Variants in RGS6 observed in about 807,000 individuals in gnomAD.
The protein encoded by RGS6 is regulator of G protein signaling 6, also known as regulator of G-protein signaling 6.
In RGS6, 30 loss-of-function variants were observed where a neutral mutation model predicts 78.5. The ratio of observed to expected loss-of-function variants is 0.38; its 90% CI spans 0.29 to 0.52. RGS6 has a LOEUF of 0.52. Among genes scored for constraint, RGS6 ranks in the 20% least tolerant of loss-of-function variants. The pLI, the probability that RGS6 is intolerant of heterozygous loss-of-function variation, is 0.85. For synonymous variants in RGS6, 206 were observed against 206.0 expected (o/e 1.00, Z 0.00); for missense variants, 495 against 609.7 (o/e 0.81, Z 1.98).
chr14:72,397,324 G>A (rs1484288597), intron 3 of RGS6, among the ~76,000 whole-genome samples: 2 of 152,090 alleles, frequency 1.3e-5, no homozygotes, highest in Non-Finnish European at 2.9e-5. Flanking sequence ...GTGAATGGGA[G>A]TTCACTCATG....
chr14:72,017,000 A>G (rs914902278), intron 2 of RGS6, among the ~76,000 whole-genome samples: 5 of 152,122 alleles, frequency 3.3e-5, no homozygotes, highest in African/African-American at 2.4e-5. Context: ...CTTTTCTTAC[A>G]TATCTTTGTT....
At chr14:72,247,372 T>C (rs1316334861) in intron 2 of RGS6, among the ~76,000 whole-genome samples, 3 of 152,212 alleles carry the variant, frequency 2.0e-5, no homozygotes, top group African/African-American at 7.2e-5. Flanking sequence ...CAAAAACAGC[T>C]CTTCTACTCC....
chr14:72,234,012 G>A lies in RGS6; in HGVS notation c.85-118083G>A, dbSNP rs140266038. 7.1e-4 allele frequency among the ~76,000 whole-genome samples: 108 copies of A among 152,196 alleles called. 1 individual carries two copies. The highest frequency in any genetic ancestry group is 2.4e-3 in the African/African-American group (100 of 41,530). On this transcript the variant is annotated intron_variant, in intron 2 of 17. Transcript: ENST00000553525. ...CTTAGCACTGGTTAAGGGAACGAAC[G>A]GGCATAGTTGTGCTATGCTTGTGAG...
chr14:72,393,535 G>A (rs1174849094), intron 3 of RGS6, among the ~76,000 whole-genome samples: 1 of 152,162 alleles, frequency 6.6e-6, no homozygotes, highest in Non-Finnish European at 1.5e-5. Flanking sequence ...GTGTTGGCCA[G>A]TAGTAAATAC....
At chr14:72,530,992 T>A (rs2097175694) in intron 15 of RGS6, among the ~76,000 whole-genome samples, 1 of 150,234 alleles carries the variant, frequency 6.7e-6, no homozygotes, top group South Asian at 2.1e-4. Flanking sequence ...TCTGTAAAAA[T>A]AAACACATAC....
chr14:72,109,573 A>G (rs1055094229), intron 2 of RGS6, among the ~76,000 whole-genome samples: 7 of 152,252 alleles, frequency 4.6e-5, no homozygotes, highest in Admixed American at 3.9e-4. Context: ...GCAGAGATGC[A>G]TAAATGTATT....
At chr14:72,022,915 T>C (rs2089013111) in intron 2 of RGS6, among the ~76,000 whole-genome samples, 1 of 152,234 alleles carries the variant, frequency 6.6e-6, no homozygotes, top group Non-Finnish European at 1.5e-5. Flanking sequence ...CCTACGTTTA[T>C]ACAGTGAGTG....
intron 2 of RGS6, among the ~76,000 whole-genome samples, chr14:72,211,332 T>C (rs115558958): frequency 0.011 from 1,683 of 152,276 alleles, 26 homozygotes; most frequent in African/African-American, 0.038. Flanking sequence ...GTCTTGAATT[T>C]AGAGACTTGA....
intron 3 of RGS6, among the ~76,000 whole-genome samples, chr14:72,452,224 TTC>T (rs56308165): frequency 0.2 from 29,908 of 147,706 alleles, 3,542 homozygotes; most frequent in East Asian, 0.46. Flanking sequence ...CACATATTCA[TTC>T]TCTCTCTCTC....
chr14:72,437,986 A>G (rs2095016548), intron 3 of RGS6, among the ~76,000 whole-genome samples: 1 of 152,264 alleles, frequency 6.6e-6, no homozygotes, highest in Non-Finnish European at 1.5e-5. Flanking sequence ...ACTTGGTCAT[A>G]GGGCAGAGCC....
intron 2 of RGS6, among the ~76,000 whole-genome samples, chr14:72,077,888 G>A (rs1282953646): frequency 1.3e-5 from 2 of 152,152 alleles, no homozygotes; most frequent in Non-Finnish European, 2.9e-5. Context: ...TTAAGTTAGA[G>A]TACAGGAATT....
intron 2 of RGS6, among the ~76,000 whole-genome samples, chr14:71,976,101 T>C (rs1013054786): frequency 9.9e-5 from 15 of 151,992 alleles, no homozygotes; most frequent in Non-Finnish European, 2.1e-4. Flanking sequence ...GCTAAACTTC[T>C]CTATTTTGTC....
chr14:71,983,884 G>T (rs1256911829), intron 2 of RGS6, among the ~76,000 whole-genome samples: 1 of 152,168 alleles, frequency 6.6e-6, no homozygotes, highest in East Asian at 1.9e-4. Context: ...TTATCACCGC[G>T]TGAAGCTTAG....
rs138335230 is a variant in RGS6 at position 71,996,711 on chromosome 14, G to A, written c.84+31836G>A. On this transcript the variant is annotated intron_variant, in intron 2 of 17. Transcript: ENST00000553525. The stretch of plus-strand genomic sequence containing the variant: ...GTCAATAAACATTTGATGAGTAAGG[G>A]AATTAAGTGACATCTAAGCTGAGAA... Among the ~76,000 whole-genome samples the A allele has an allele frequency of 7.0e-3, 1,061 of 151,024 alleles. 13 individuals carry two copies. The highest frequency in any genetic ancestry group is 0.024 in the African/African-American group (1,001 of 41,268).
Position 72,352,098 on chromosome 14 carries a change from G to C in RGS6, c.88G>C (p.Glu30Gln). The stretch of plus-strand genomic sequence containing the variant: ...TCTTTTCTTTAACCTCTTTCAGATT[G>C]AAGACATCATTACAAAGATGCAAGA... The part of the protein sequence containing the change: ...SPNMIVYCKI[E>Q]DIITKMQDDK... The change falls in exon 3 of 18, where the codon GAA becomes CAA. Residue 30 changes from glutamate (E) to glutamine (Q), a missense_variant. Physicochemically the swap from Glu to Gln is conservative, Grantham distance 29. Coordinates refer to ENST00000553525, the MANE Select transcript of RGS6 (RefSeq NM_001204424.2). The C allele has an allele frequency of 6.2e-7, 1 of 1,609,030 alleles. No individual in the cohort carries two copies. Among genetic ancestry groups the C allele is most frequent in the South Asian group, 1.1e-5 (1 of 90,172 alleles).
chr14:71,957,075 G>A (rs2092843899), intron 1 of RGS6, among the ~76,000 whole-genome samples: 2 of 152,228 alleles, frequency 1.3e-5, no homozygotes, highest in Non-Finnish European at 2.9e-5. Context: ...GGCCATGTGA[G>A]ATAGTGACTC....
At chr14:72,423,567 G>A (rs1566810093) in intron 3 of RGS6, among the ~76,000 whole-genome samples, 1 of 152,030 alleles carries the variant, frequency 6.6e-6, no homozygotes, top group Non-Finnish European at 1.5e-5. Context: ...AATTAAAGCA[G>A]AGGCACAAAA....
intron 2 of RGS6, among the ~76,000 whole-genome samples, chr14:72,260,282 G>T (rs891167646): frequency 2.6e-5 from 4 of 152,148 alleles, no homozygotes; most frequent in Non-Finnish European, 5.9e-5. Flanking sequence ...TGTTTTGAGC[G>T]CTGAGTTGCT....
At chr14:72,573,907 G>C in the RGS6 span, among the ~76,000 whole-genome samples, 12 of 152,306 alleles carry the variant, frequency 7.9e-5, no homozygotes, top group African/African-American at 2.9e-4. Flanking sequence ...TCCTATTCAT[G>C]CAAGACTTTG....
Sources: allele counts gnomAD v4.1 joint callset (sites outside exome capture counted in the v4.1 genomes callset), GRCh38; gene constraint gnomAD v4.1.1; transcripts MANE v1.5; gene names NCBI Gene and HGNC (gene_info 2026-07-23, HGNC 2026-07-21).